The following CYB5B variants were observed in gnomAD, a reference collection of about 807,000 sequenced individuals.
The protein encoded by CYB5B is cytochrome b5 type B, also known as cytochrome b5 type B (outer mitochondrial membrane).
Under a neutral mutation model 21.3 loss-of-function variants are expected in CYB5B, and 14 were observed. The observed-to-expected ratio is 0.66, with a 90% confidence interval of 0.43 to 1.03. CYB5B has a LOEUF of 1.03. Ranked by LOEUF, CYB5B falls within the 50% of genes least tolerant of loss-of-function variation. The pLI is 0.00. For missense variants in CYB5B, 166 were observed against 185.1 expected, an observed-to-expected ratio of 0.90 and a Z score of 0.60; for synonymous variants, 69 against 68.4, an observed-to-expected ratio of 1.01 and a Z score of -0.04.
chr16:69,453,133 G>A (rs779075360), intron 3 of CYB5B, among the ~76,000 whole-genome samples: 1 of 152,056 alleles, frequency 6.6e-6, no homozygotes, highest in African/African-American at 2.4e-5. Flanking sequence ...CTCCATAGAG[G>A]CTTAACGTGT....
At chr16:69,428,184 A>T (rs1242071626) in intron 1 of CYB5B, among the ~76,000 whole-genome samples, 1 of 152,044 alleles carries the variant, frequency 6.6e-6, no homozygotes, top group Non-Finnish European at 1.5e-5. Flanking sequence ...TCATTCATTC[A>T]CTTATTCAAA....
intron 1 of CYB5B, among the ~76,000 whole-genome samples, chr16:69,426,864 A>C (rs2014653153): frequency 6.6e-6 from 1 of 152,196 alleles, no homozygotes; most frequent in African/African-American, 2.4e-5. Context: ...GCATTACTTC[A>C]AAATTCTAGC....
Position 69,463,060 on chromosome 16 carries a change from A to T in CYB5B, c.*540A>T, listed in dbSNP as rs989089923. Reference sequence around the variant, plus strand: ...AGAGTTCAAGACCAGCCTGGGCAACATAGCGAGACCCCTATCTGTATTAAA... The same window carrying T: ...AGAGTTCAAGACCAGCCTGGGCAACTTAGCGAGACCCCTATCTGTATTAAA... On this transcript the variant is annotated 3_prime_UTR_variant, in exon 5 of 5. Coordinates refer to ENST00000307892, the MANE Select transcript of CYB5B (RefSeq NM_030579.3). 6.5e-6 allele frequency: 1 copy of T among 153,382 alleles called. No individual in the cohort carries two copies. The highest frequency in any genetic ancestry group is 1.5e-5 in the Non-Finnish European group (1 of 68,780). The allele number at this position is 153,382 out of a possible 1,614,324, so 9.5% of individuals were successfully genotyped here.
chr16:69,442,115 TAAATA>T (rs1047066951), intron 1 of CYB5B, among the ~76,000 whole-genome samples: 22 of 139,504 alleles, frequency 1.6e-4, no homozygotes, highest in South Asian at 7.1e-4. Flanking sequence ...TACTAACAAT[TAAATA>T]TAAAAATGCA....
intron 1 of CYB5B, among the ~76,000 whole-genome samples, chr16:69,434,861 T>TA (rs1383945545): frequency 0.084 from 3,085 of 36,818 alleles, 46 homozygotes; most frequent in Non-Finnish European, 0.11. Context: ...AGACTTCATC[T>TA]CAAAAAAAAA....
chr16:69,445,653 A>G (rs2014870282), intron 1 of CYB5B, among the ~76,000 whole-genome samples: 1 of 152,194 alleles, frequency 6.6e-6, no homozygotes, highest in Non-Finnish European at 1.5e-5. Flanking sequence ...CTGAGTAAGT[A>G]ATGCTTTATT....
intron 1 of CYB5B, among the ~76,000 whole-genome samples, chr16:69,446,025 T>C (rs959955614): frequency 6.6e-6 from 1 of 152,156 alleles, no homozygotes; most frequent in Non-Finnish European, 1.5e-5. Context: ...TCCCAGCCAC[T>C]AGGTTCTTTC....
chr16:69,427,339 A>C (rs2014658100), intron 1 of CYB5B, among the ~76,000 whole-genome samples: 1 of 151,992 alleles, frequency 6.6e-6, no homozygotes, highest in Non-Finnish European at 1.5e-5. Flanking sequence ...GGGAACACTC[A>C]GCCCTTACAG....
At chr16:69,436,392 A>T (rs559476043) in intron 1 of CYB5B, among the ~76,000 whole-genome samples, 1 of 152,182 alleles carries the variant, frequency 6.6e-6, no homozygotes, top group Non-Finnish European at 1.5e-5. Context: ...TTATGTTTGG[A>T]TCTGCAGACC....
chr16:69,453,663 C>A (rs570448383), intron 3 of CYB5B, among the ~76,000 whole-genome samples: 1 of 152,102 alleles, frequency 6.6e-6, no homozygotes, highest in African/African-American at 2.4e-5. Context: ...TCAAGCCATT[C>A]TCCTCCTGCC....
chr16:69,448,362 G>A (rs961879030), intron 3 of CYB5B: 11 of 558,608 alleles, frequency 2.0e-5, no homozygotes, highest in Admixed American at 7.3e-5. Context: ...GCCTTTATAC[G>A]CTTTTTTTTT....
chr16:69,451,289 A>T (rs1351171963), intron 3 of CYB5B, among the ~76,000 whole-genome samples: 1 of 152,164 alleles, frequency 6.6e-6, no homozygotes, highest in East Asian at 1.9e-4. Context: ...AAACAGACTC[A>T]GTGCTCTCTG....
chr16:69,439,063 T>C (rs2014792892), intron 1 of CYB5B, among the ~76,000 whole-genome samples: 1 of 152,226 alleles, frequency 6.6e-6, no homozygotes. Context: ...TTATGTTTTC[T>C]CTAAGAGTTT....
chr16:69,440,942 C>T (rs183893611), intron 1 of CYB5B, among the ~76,000 whole-genome samples: 10 of 151,574 alleles, frequency 6.6e-5, no homozygotes, highest in East Asian at 1.9e-4. Flanking sequence ...TACAGGCCTG[C>T]GCCGCCGTGC....
At chr16:69,462,011 G>A (rs956517569) in intron 4 of CYB5B, among the ~76,000 whole-genome samples, 2 of 152,162 alleles carry the variant, frequency 1.3e-5, no homozygotes, top group African/African-American at 4.8e-5. Context: ...TATTGGGATG[G>A]ATATGTTTTT....
intron 3 of CYB5B, 65 bp downstream of exon 3, chr16:69,448,209 A>G (rs2014896901): frequency 6.4e-7 from 1 of 1,553,088 alleles, no homozygotes; most frequent in East Asian, 2.3e-5. Context: ...TGCTTTTTGA[A>G]ACATTTTTTC....
intron 2 of CYB5B, 112 bp downstream of exon 2, chr16:69,447,390 C>T (rs559407660): frequency 1.7e-5 from 24 of 1,416,376 alleles, no homozygotes; most frequent in African/African-American, 1.6e-4. Context: ...ACCTGTCATC[C>T]CAGTACTTTG....
Position 69,464,492 on chromosome 16 carries a change from A to G in CYB5B, c.*1972A>G, listed in dbSNP as rs931745835. The G allele has an allele frequency of 2.0e-5, 3 of 152,206 alleles. No individual in the cohort carries two copies. The highest frequency in any genetic ancestry group is 7.2e-5 in the African/African-American group (3 of 41,460). 9.4% of individuals were successfully genotyped at this position (152,206 alleles called of 1,614,324 possible). On this transcript the variant is annotated 3_prime_UTR_variant, in exon 5 of 5. Transcript: ENST00000307892. ...TTGCCTGTAATAAATAAATTGCGTG[A>G]TTATTGGAGTACATTGGGGTAAAAG...
intron 1 of CYB5B, among the ~76,000 whole-genome samples, chr16:69,430,258 C>G (rs545582101): frequency 6.6e-6 from 1 of 151,708 alleles, no homozygotes; most frequent in Non-Finnish European, 1.5e-5. Context: ...GCTCTGTTGT[C>G]CAGGCTTGAG....
Sources: gnomAD v4.1 joint callset for allele counts (sites outside exome capture counted in the v4.1 genomes callset) on GRCh38, gnomAD v4.1.1 for gene constraint, MANE v1.5 for transcripts, NCBI Gene and HGNC (gene_info 2026-07-23, HGNC 2026-07-21) for gene names.